Variants in ZNF174 observed in about 807,000 individuals in gnomAD.
ZNF174 encodes AW-1.
A neutral mutation model predicts 38.7 loss-of-function variants in ZNF174; 30 were observed. That is an observed-to-expected ratio of 0.78 (90% CI 0.58 to 1.05). The LOEUF is 1.05. Among genes scored for constraint, ZNF174 ranks in the 50% least tolerant of loss-of-function variants. The pLI is 0.00. For synonymous variants in ZNF174, 201 were observed against 181.7 expected, an observed-to-expected ratio of 1.11 and a Z score of -0.86; for missense variants, 499 against 495.6, an observed-to-expected ratio of 1.01 and a Z score of -0.06.
intron 1 of ZNF174, among the ~76,000 whole-genome samples, chr16:3,403,856 C>A (rs1170674512): frequency 1.3e-5 from 2 of 152,178 alleles, no homozygotes; most frequent in African/African-American, 4.8e-5. Flanking sequence ...TGCCACTCCC[C>A]GCCCCGAAGT....
chr16:3,403,288 G>A (rs1385721874), intron 1 of ZNF174, among the ~76,000 whole-genome samples: 3 of 146,596 alleles, frequency 2.0e-5, no homozygotes, highest in Non-Finnish European at 4.5e-5. Context: ...TCAGGTCTCA[G>A]CCTCCTGAGT....
At chr16:3,402,724 C>T (rs934847802) in intron 1 of ZNF174, among the ~76,000 whole-genome samples, 1 of 152,156 alleles carries the variant, frequency 6.6e-6, no homozygotes. Flanking sequence ...TCCCAAAGTG[C>T]TGGGACTACA....
At position 3,407,585 on chromosome 16, in the gene ZNF174, G is replaced by A. The variant is rs143744229; in HGVS notation, c.626-736G>A. ...ACCCAGTAGCCACATAGTCACATGT[G>A]GCTAGTGGCTGCCATATTGAACAAC... On this transcript the variant is annotated intron_variant, in intron 2 of 2. Transcript: ENST00000268655. Among the ~76,000 whole-genome samples the A allele has an allele frequency of 2.2e-3, 338 of 152,278 alleles. 1 individual carries two copies. The highest frequency in any genetic ancestry group is 7.6e-3 in the African/African-American group (316 of 41,558).
intron 1 of ZNF174, 105 bp downstream of exon 1, chr16:3,402,511 T>G (rs1596254584): frequency 8.5e-7 from 1 of 1,173,580 alleles, no homozygotes; most frequent in Non-Finnish European, 1.2e-6. Context: ...CAGGCCCGAG[T>G]GCAGTGGCGC....
rs974057907 is a variant in ZNF174 at position 3,409,009 on chromosome 16, T to C, written c.*90T>C. On this transcript the variant is annotated 3_prime_UTR_variant, in exon 3 of 3. Coordinates refer to ENST00000268655, the MANE Select transcript of ZNF174 (RefSeq NM_003450.3). ...ATGTAAATCACAAAAACTGTGTGAC[T>C]TACAAGGAAAGCACGAGGCCCTTGA... The C allele has an allele frequency of 1.5e-6, 2 of 1,348,254 alleles. No individual in the cohort carries two copies. Among genetic ancestry groups the C allele is most frequent in the East Asian group, 4.6e-5 (2 of 43,354 alleles). 83.5% of individuals were successfully genotyped at this position (1,348,254 alleles called of 1,614,324 possible).
At chr16:3,404,327 T>G (rs1200582631) in intron 1 of ZNF174, 99 bp from the exon 2 acceptor site, 3 of 1,245,066 alleles carry the variant, frequency 2.4e-6, no homozygotes. Flanking sequence ...TAGATGGTTA[T>G]CAGCAATTCC....
chr16:3,401,599 G>T lies in ZNF174; in HGVS notation c.-406G>T, dbSNP rs528866473. The T allele has an allele frequency of 1.0e-5, 2 of 190,916 alleles. No homozygotes were observed. Among genetic ancestry groups the T allele is most frequent in the South Asian group, 1.6e-4 (2 of 12,230 alleles). 11.8% of individuals were successfully genotyped at this position (190,916 alleles called of 1,614,324 possible). A position where few individuals can be genotyped will look rare whatever the true frequency, so the allele number is the denominator to read the frequency against. ...TCGGTTTCCGCCAGGATGCGGGAGA[G>T]TTGGGGCAAGCTACCTGCGACAGCT... On this transcript the variant is annotated 5_prime_UTR_variant, in exon 1 of 3. Transcript: ENST00000268655.
chr16:3,406,225 C>A (rs960397981), intron 2 of ZNF174, among the ~76,000 whole-genome samples: 3 of 152,118 alleles, frequency 2.0e-5, no homozygotes, highest in African/African-American at 4.8e-5. Context: ...GTTGTTTCTA[C>A]TTTTTGGTTA....
At chr16:3,404,949 T>A (rs368892294) in intron 2 of ZNF174, 10 of 1,614,090 alleles carry the variant, frequency 6.2e-6, no homozygotes, top group Non-Finnish European at 8.5e-6. Flanking sequence ...TGGCCACAGA[T>A]GAACTTCCAT....
At chr16:3,406,797 C>G (rs750211379) in intron 2 of ZNF174, among the ~76,000 whole-genome samples, 1 of 152,006 alleles carries the variant, frequency 6.6e-6, no homozygotes, top group Non-Finnish European at 1.5e-5. Flanking sequence ...CTATTTTTTT[C>G]TTTCTTTATG....
rs1241899861 is a variant in ZNF174, at chr16:3,401,978, GGAGA to G, written c.-23_-20del. 3 of 1,606,518 alleles carry G rather than the reference GGAGA, an allele frequency of 1.9e-6. No individual in the cohort carries two copies. The highest frequency in any genetic ancestry group is 2.5e-6 in the Non-Finnish European group (3 of 1,178,432). The stretch of plus-strand genomic sequence containing the variant: ...TCCCAAAGGCTTAACCCGTTTACAA[GGAGA>G]GAGTTGTCTCCTGACGCCCAAAATG... On this transcript the variant is annotated 5_prime_UTR_variant, in exon 1 of 3. Coordinates refer to ENST00000268655, the MANE Select transcript of ZNF174 (RefSeq NM_003450.3).
Position 3,408,612 on chromosome 16 carries a change from G to C in ZNF174, c.917G>C (p.Ser306Thr). ...ELKKSKGGKRSLSNRLQHLGH... is the reference protein window; with the variant it reads ...ELKKSKGGKRTLSNRLQHLGH... ...AAGAAAAGCAAAGGAGGTAAACGGAGTCTGAGCAACCGTTTGCAACATCTT... is the reference window on the plus strand; with the variant it reads ...AAGAAAAGCAAAGGAGGTAAACGGACTCTGAGCAACCGTTTGCAACATCTT... Residue 306 changes from serine (S) to threonine (T), a missense_variant, in exon 3 of 3, where the codon AGT becomes ACT. Coordinates refer to ENST00000268655, the MANE Select transcript of ZNF174 (RefSeq NM_003450.3). The C allele has an allele frequency of 6.2e-7, 1 of 1,614,182 alleles. No individual in the cohort carries two copies. The highest frequency in any genetic ancestry group is 1.3e-5 in the African/African-American group (1 of 75,058).
In ZNF174 at chr16:3,409,044, A is replaced by G. The variant is rs2034092843; in HGVS notation, c.*125A>G. On this transcript the variant is annotated 3_prime_UTR_variant, in exon 3 of 3. Coordinates refer to ENST00000268655, the MANE Select transcript of ZNF174 (RefSeq NM_003450.3). Reference sequence around the variant, plus strand: ...AGCACGAGGCCCTTGAGGAATGATGATGCACATTCTGCTGTGAGGAGGCCC... The same window carrying G: ...AGCACGAGGCCCTTGAGGAATGATGGTGCACATTCTGCTGTGAGGAGGCCC... 2 of 1,079,570 alleles carry G rather than the reference A, an allele frequency of 1.9e-6. No homozygotes were observed. The highest frequency in any genetic ancestry group is 1.6e-5 in the African/African-American group (1 of 63,498). The allele number at this position is 1,079,570 out of a possible 1,614,324, so 66.9% of individuals were successfully genotyped here.
chr16:3,406,627 G>T (rs1056012657), intron 2 of ZNF174, among the ~76,000 whole-genome samples: 24 of 152,040 alleles, frequency 1.6e-4, no homozygotes, highest in African/African-American at 5.3e-4. Flanking sequence ...TTTAAATTAG[G>T]TTATTTGTCT....
intron 2 of ZNF174, among the ~76,000 whole-genome samples, chr16:3,405,944 G>T (rs2034049826): frequency 6.6e-6 from 1 of 152,192 alleles, no homozygotes; most frequent in South Asian, 2.1e-4. Flanking sequence ...GGAGGTCGAG[G>T]CTGCAGTGAA....
At position 3,404,967 on chromosome 16, in the gene ZNF174, A is replaced by G. The variant is rs764865356; in HGVS notation, c.625+319A>G. On this transcript the variant is annotated intron_variant, in intron 2 of 2. Coordinates refer to ENST00000268655, the MANE Select transcript of ZNF174 (RefSeq NM_003450.3). ...CCACAGATGAACTTCCATGCAAGCT[A>G]TGGCTGAGTTTCATTGCTTAAAATG... 8 of 1,614,066 alleles carry G rather than the reference A, an allele frequency of 5.0e-6. No homozygotes were observed. In the Admixed American group the frequency reaches 5.0e-5, roughly 10 times the overall value.
Position 3,408,443 on chromosome 16 carries a change from A to C in ZNF174, c.748A>C (p.Arg250=). 6.2e-7 allele frequency: 1 copy of C among 1,614,192 alleles called. No individual in the cohort carries two copies. The highest frequency in any genetic ancestry group is 8.5e-7 in the Non-Finnish European group (1 of 1,180,024). ...GAATGGTCTGCAGAATCCTGAACCA[A>C]GAGGGGCAAATATGAGTGAACCTCG... is the stretch of plus-strand genomic sequence containing the variant. ...KGNGLQNPEP[R]GANMSEPRLS... is the part of the protein sequence containing the mutation. Residue 250 remains arginine (R), a synonymous_variant, in exon 3 of 3, where the codon AGA becomes CGA. Coordinates refer to ENST00000268655, the MANE Select transcript of ZNF174 (RefSeq NM_003450.3).
At position 3,404,502 on chromosome 16, in the gene ZNF174, A is replaced by G. The variant is rs1408134589; in HGVS notation, c.479A>G (p.Asp160Gly). The G allele has an allele frequency of 1.9e-6, 3 of 1,613,650 alleles. No individual in the cohort carries two copies. Among genetic ancestry groups the G allele is most frequent in the Non-Finnish European group, 2.5e-6 (3 of 1,179,664 alleles). ...GSQLGEQELP[D>G]FQPQTPRRDL... ...CAGCTTGGAGAACAGGAACTGCCAG[A>G]CTTTCAACCGCAGACTCCTAGGAGA... The change falls in exon 2 of 3, where the codon GAC (aspartate) becomes GGC (glycine). Residue 160 changes from aspartate to glycine, a missense_variant. Physicochemically the swap from Asp to Gly is moderately conservative, Grantham distance 94. Transcript: ENST00000268655.
Position 3,409,001 on chromosome 16 carries a change from T to C in ZNF174, c.*82T>C, listed in dbSNP as rs527906487. On this transcript the variant is annotated 3_prime_UTR_variant, in exon 3 of 3. Transcript: ENST00000268655. ...TTACTTGCATGTAAATCACAAAAAC[T>C]GTGTGACTTACAAGGAAAGCACGAG... is the stretch of plus-strand genomic sequence containing the variant. The C allele has an allele frequency of 1.2e-5, 17 of 1,365,142 alleles. No individual in the cohort carries two copies. The highest frequency in any genetic ancestry group is 1.0e-4 in the African/African-American group (7 of 68,852). The allele number at this position is 1,365,142 out of a possible 1,614,324, so 84.6% of individuals were successfully genotyped here. A position where few individuals can be genotyped will look rare whatever the true frequency, so the allele number is the denominator to read the frequency against.
Sources: allele counts gnomAD v4.1 joint callset (sites outside exome capture counted in the v4.1 genomes callset), GRCh38; gene constraint gnomAD v4.1.1; transcripts MANE v1.5; gene names NCBI Gene and HGNC (gene_info 2026-07-23, HGNC 2026-07-21).